Variants in RGS12 observed in about 807,000 individuals in gnomAD.
RGS12 encodes the protein regulator of G protein signaling 12.
In RGS12, 66 loss-of-function variants were observed where a neutral mutation model predicts 120.1. The observed-to-expected ratio is 0.55, with a 90% CI of 0.45 to 0.67. RGS12 has a LOEUF of 0.67. RGS12 is among the 30% of genes least tolerant of loss of function. The pLI is 0.00. For synonymous variants in RGS12, 827 were observed against 804.7 expected (o/e 1.03, Z -0.47); for missense variants, 1,859 against 1,957.7 (o/e 0.95, Z 0.95).
chr4:3,417,577 C>T, intron 9 of RGS12, 36 bp downstream of exon 9: 2 of 1,602,144 alleles, frequency 1.2e-6, no homozygotes, highest in South Asian at 1.1e-5. Context: ...GGTGTCCAGG[C>T]CAGGCAGCCG....
chr4:3,389,092 G>A lies in RGS12; in HGVS notation c.2020+2655G>A, dbSNP rs970567038. Among the ~76,000 whole-genome samples, 2 of 152,208 alleles carry A rather than the reference G, an allele frequency of 1.3e-5. No homozygotes were observed. Among genetic ancestry groups the A allele is most frequent in the Non-Finnish European group, 2.9e-5 (2 of 68,040 alleles). On this transcript the variant is annotated intron_variant, in intron 4 of 17. Transcript: ENST00000336727. This position sits in a 1 kb window ranked among gnomAD's most constrained non-coding sequence, Gnocchi z 5.2. ...ACGGTTTCATTCTGTGACGCGTATCGTGCTTTTATAGCTTAGGCTCTCGCT... is the reference window on the plus strand; with the variant it reads ...ACGGTTTCATTCTGTGACGCGTATCATGCTTTTATAGCTTAGGCTCTCGCT...
intron 3 of RGS12, among the ~76,000 whole-genome samples, chr4:3,363,525 G>A (rs956811882): frequency 2.6e-5 from 4 of 152,012 alleles, no homozygotes; most frequent in African/African-American, 7.3e-5. Context: ...GAAGTGCAGC[G>A]GCAAGAGGCG....
At chr4:3,351,582 A>G (rs747864237) in intron 3 of RGS12, among the ~76,000 whole-genome samples, 19 of 152,334 alleles carry the variant, frequency 1.2e-4, no homozygotes, top group Middle Eastern at 3.4e-3. Context: ...CTTAGTTTCC[A>G]TAAGCAATGA....
intron 2 of RGS12, among the ~76,000 whole-genome samples, chr4:3,340,108 G>A (rs923819842): frequency 1.3e-5 from 2 of 152,210 alleles, no homozygotes; most frequent in Admixed American, 1.3e-4. Flanking sequence ...GGTGCCCTGC[G>A]CTCCCCATTG....
chr4:3,414,468 C>A, intron 5 of RGS12: 1 of 599,536 alleles, frequency 1.7e-6, no homozygotes, highest in Non-Finnish European at 2.9e-6. Context: ...CCCTCCCGCT[C>A]TCTACTGGGG....
At chr4:3,388,715 C>A (rs1003426609) in intron 4 of RGS12, among the ~76,000 whole-genome samples, 1 of 152,260 alleles carries the variant, frequency 6.6e-6, no homozygotes, top group Non-Finnish European at 1.5e-5. Context: ...CCCCCTCCCC[C>A]ACACCCTGCC....
intron 15 of RGS12, 93 bp from the exon 16 acceptor site, chr4:3,428,465 C>G (rs1723908307): frequency 7.2e-6 from 8 of 1,114,890 alleles, no homozygotes; most frequent in Non-Finnish European, 1.0e-5. Context: ...TCAATGCAAT[C>G]TATTTCATAG....
rs183021242 is a variant in RGS12 at position 3,334,217 on chromosome 4, G to A, written c.1882-8720G>A. On this transcript the variant is annotated intron_variant, in intron 2 of 17. Transcript: ENST00000336727. Reference sequence around the variant, plus strand: ...TATTAAGGTTAAGAGAGTTCACTTCGTTACTACTTGTTAATATTTGTTTTC... The same window carrying A: ...TATTAAGGTTAAGAGAGTTCACTTCATTACTACTTGTTAATATTTGTTTTC... 1.1e-3 allele frequency among the ~76,000 whole-genome samples: 160 copies of A among 152,226 alleles called. 1 individual carries two copies. The highest frequency in any genetic ancestry group is 3.6e-3 in the African/African-American group (151 of 41,518).
At chr4:3,410,792 C>T (rs956890492) in intron 4 of RGS12, among the ~76,000 whole-genome samples, 10 of 152,182 alleles carry the variant, frequency 6.6e-5, no homozygotes, top group African/African-American at 1.7e-4. Flanking sequence ...TACGAGTGTC[C>T]GGGGGCCTCC....
At chr4:3,436,217 C>A (rs1250446715) in intron 17 of RGS12, among the ~76,000 whole-genome samples, 2 of 152,140 alleles carry the variant, frequency 1.3e-5, no homozygotes, top group East Asian at 3.9e-4. Context: ...TTAGCAGGAG[C>A]CCGTGGGGTG....
At chr4:3,308,691 G>C (rs1724112909) in intron 1 of RGS12, among the ~76,000 whole-genome samples, 1 of 152,236 alleles carries the variant, frequency 6.6e-6, no homozygotes, top group Admixed American at 6.5e-5. Context: ...TTTTTCTTCT[G>C]AAAGTTTTGT....
At chr4:3,323,778 A>G (rs1344242832) in intron 2 of RGS12, among the ~76,000 whole-genome samples, 3 of 151,922 alleles carry the variant, frequency 2.0e-5, no homozygotes, top group Non-Finnish European at 4.4e-5. Context: ...GCTGTTTTTA[A>G]AAGTGTATGT....
chr4:3,341,963 C>T (rs1192107810), intron 2 of RGS12, among the ~76,000 whole-genome samples: 3 of 149,834 alleles, frequency 2.0e-5, no homozygotes, highest in African/African-American at 4.9e-5. Context: ...GAGACCCAGG[C>T]GGGAATGGGT....
At chr4:3,328,049 C>G (rs1216995584) in intron 2 of RGS12, among the ~76,000 whole-genome samples, 1 of 152,246 alleles carries the variant, frequency 6.6e-6, no homozygotes, top group Non-Finnish European at 1.5e-5. Flanking sequence ...CAATGGAATA[C>G]TATTCAGCCA....
rs113355509 is a variant in RGS12 at position 3,335,004 on chromosome 4, G to A, written c.1882-7933G>A. On this transcript the variant is annotated intron_variant, in intron 2 of 17. Coordinates refer to ENST00000336727, the MANE Select transcript of RGS12 (RefSeq NM_001394154.1). ...CAAGCCTGGTTGGTTTATTTCCTTA[G>A]TCCACACCCACCTCCTTTACCGGTG... 9.3e-4 allele frequency among the ~76,000 whole-genome samples: 142 copies of A among 152,108 alleles called. 3 individuals are homozygous for A. Among genetic ancestry groups the A allele is most frequent in the Middle Eastern group, 3.4e-3 (1 of 294 alleles).
upstream of RGS12, among the ~76,000 whole-genome samples, chr4:3,291,348 C>CTTTTTT (rs66464754): frequency 6.8e-5 from 9 of 133,002 alleles, no homozygotes; most frequent in East Asian, 2.3e-4. Context: ...TTTCCTGGCT[C>CTTTTTT]TTTTTTTTTT....
intron 3 of RGS12, among the ~76,000 whole-genome samples, chr4:3,373,936 GA>G (rs1422249926): frequency 6.6e-6 from 1 of 152,190 alleles, no homozygotes; most frequent in Non-Finnish European, 1.5e-5. Flanking sequence ...TTTTCATTAA[GA>G]AATTGGACAC....
At chr4:3,404,163 G>T (rs56067324) in intron 4 of RGS12, among the ~76,000 whole-genome samples, 72 of 152,010 alleles carry the variant, frequency 4.7e-4, no homozygotes, top group African/African-American at 1.7e-3. Context: ...AAGCTCCTTC[G>T]TCTACACTTG....
chr4:3,297,646 C>T (rs1474177673), intron 1 of RGS12, among the ~76,000 whole-genome samples: 3 of 152,324 alleles, frequency 2.0e-5, no homozygotes, highest in South Asian at 2.1e-4. Context: ...TTCTAGTCAC[C>T]CACCTATCAA....
Sources: gnomAD v4.1 joint callset for allele counts (sites outside exome capture counted in the v4.1 genomes callset) on GRCh38, gnomAD v4.1.1 for gene constraint, Gnocchi (gnomAD v3.1) non-coding constraint, MANE v1.5 for transcripts, NCBI Gene and HGNC (gene_info 2026-07-23, HGNC 2026-07-21) for gene names.